The following LHPP variants were observed in gnomAD, a reference collection of about 807,000 sequenced individuals.
LHPP encodes hLHPP.
In LHPP, 24 loss-of-function variants were observed where a neutral mutation model predicts 30.3. The observed-to-expected ratio is 0.79, with a 90% CI of 0.57 to 1.11. LHPP has a LOEUF of 1.11. LHPP is among the 50% of genes most tolerant of loss of function. The pLI, the probability that LHPP is intolerant of heterozygous loss-of-function variation, is 0.00. For synonymous variants in LHPP, 150 were observed against 157.1 expected (o/e 0.95, Z 0.34); for missense variants, 356 against 367.2 (o/e 0.97, Z 0.25).
intron 1 of LHPP, 141 bp from the exon 2 acceptor site, chr10:124,483,998 C>A: frequency 1.4e-6 from 1 of 716,070 alleles, no homozygotes. Context: ...CCTGGATCAG[C>A]CAGGACCCCC....
intron 4 of LHPP, 91 bp from the exon 5 acceptor site, chr10:124,497,945 T>C: frequency 9.8e-7 from 1 of 1,022,108 alleles, no homozygotes; most frequent in Non-Finnish European, 1.5e-6. Context: ...CCTTGACTCT[T>C]GGGGGCACAT....
chr10:124,482,217 C>G (rs931137059), intron 1 of LHPP, among the ~76,000 whole-genome samples: 1 of 152,202 alleles, frequency 6.6e-6, no homozygotes, highest in African/African-American at 2.4e-5. Flanking sequence ...TGGGCCACAT[C>G]TGTAAACAGA....
chr10:124,603,671 G>A (rs912157332), intron 6 of LHPP, among the ~76,000 whole-genome samples: 35 of 152,324 alleles, frequency 2.3e-4, no homozygotes, highest in African/African-American at 7.0e-4. Context: ...GCCTCCTCGC[G>A]GCCCTCGCCT....
chr10:124,588,836 G>A (rs1948840148), intron 6 of LHPP, among the ~76,000 whole-genome samples: 1 of 152,138 alleles, frequency 6.6e-6, no homozygotes, highest in South Asian at 2.1e-4. Context: ...GTCAGGTCCA[G>A]GGGGTCCTGG....
intron 6 of LHPP, among the ~76,000 whole-genome samples, chr10:124,531,861 C>G (rs1245960319): frequency 6.6e-6 from 1 of 152,106 alleles, no homozygotes; most frequent in Non-Finnish European, 1.5e-5. Flanking sequence ...TTTTAGTGTC[C>G]CTTAGTATTT....
intron 6 of LHPP, among the ~76,000 whole-genome samples, chr10:124,530,929 C>T (rs530751127): frequency 9.2e-5 from 14 of 152,110 alleles, no homozygotes; most frequent in African/African-American, 3.4e-4. Context: ...CTTCTTGTCT[C>T]CCTGGCACCT....
At chr10:124,530,453 G>A (rs76987527) in intron 6 of LHPP, among the ~76,000 whole-genome samples, 30,787 of 151,856 alleles carry the variant, frequency 0.2, 3,217 homozygotes, top group Middle Eastern at 0.3. Flanking sequence ...ATGTGCGCAC[G>A]CCAGGCCCCA....
At chr10:124,489,114 A>G (rs1953432971) in intron 3 of LHPP, among the ~76,000 whole-genome samples, 1 of 152,230 alleles carries the variant, frequency 6.6e-6, no homozygotes, top group African/African-American at 2.4e-5. Flanking sequence ...TTTCTTAAAC[A>G]AAACAGTGTT....
chr10:124,498,001 C>G (rs200730924), intron 4 of LHPP, 35 bp from the exon 5 acceptor site: 4 of 1,562,458 alleles, frequency 2.6e-6, no homozygotes, highest in Non-Finnish European at 3.5e-6. Context: ...TTCCTTGATC[C>G]CAAACTTATG....
intron 6 of LHPP, among the ~76,000 whole-genome samples, chr10:124,597,092 G>A (rs1375328373): frequency 6.6e-6 from 1 of 152,172 alleles, no homozygotes. Context: ...TCAGACTCCA[G>A]GTTCTTTGAC....
At chr10:124,495,042 T>C (rs1953661824) in intron 3 of LHPP, among the ~76,000 whole-genome samples, 1 of 152,216 alleles carries the variant, frequency 6.6e-6, no homozygotes, top group Non-Finnish European at 1.5e-5. Context: ...CCAAAGTAGC[T>C]GATTGTCCAA....
chr10:124,587,347 G>A (rs1948817669), intron 6 of LHPP, among the ~76,000 whole-genome samples: 1 of 151,890 alleles, frequency 6.6e-6, no homozygotes, highest in Admixed American at 6.6e-5. Context: ...CACTTTCTGT[G>A]GTGTAAATAT....
At chr10:124,537,255 G>A (rs545263288) in intron 6 of LHPP, among the ~76,000 whole-genome samples, 8 of 152,314 alleles carry the variant, frequency 5.3e-5, no homozygotes, top group African/African-American at 1.2e-4. Context: ...CAGCTACCTC[G>A]AGAGATCCTG....
intron 6 of LHPP, among the ~76,000 whole-genome samples, chr10:124,519,011 G>A (rs879426428): frequency 2.8e-4 from 42 of 152,052 alleles, no homozygotes; most frequent in Non-Finnish European, 2.9e-4. Flanking sequence ...AGGTGCGATC[G>A]ATCTCAGCTC....
chr10:124,488,002 C>A (rs1039433585), intron 2 of LHPP, among the ~76,000 whole-genome samples: 1 of 152,164 alleles, frequency 6.6e-6, no homozygotes, highest in African/African-American at 2.4e-5. Context: ...AATGTGTCAA[C>A]GGTTCTTACA....
Position 124,517,094 on chromosome 10 carries a change from C to T in LHPP, c.625-86C>T. ...GGTGGTTGTAAACATCAAATCAAGCCATTTATTATGTCAAAAAAAGATGAA... is the reference window on the plus strand; with the variant it reads ...GGTGGTTGTAAACATCAAATCAAGCTATTTATTATGTCAAAAAAAGATGAA... On this transcript the variant is annotated intron_variant, in intron 5 of 6. Coordinates refer to ENST00000368842, the MANE Select transcript of LHPP (RefSeq NM_022126.4). This position sits in a 1 kb window ranked among gnomAD's most constrained non-coding sequence, Gnocchi z 4.1. 1 of 787,484 alleles carries T rather than the reference C, an allele frequency of 1.3e-6. No homozygotes were observed. Among genetic ancestry groups the T allele is most frequent in the South Asian group, 1.8e-5 (1 of 54,292 alleles). The allele number at this position is 787,484 out of a possible 1,614,324, so 48.8% of individuals were successfully genotyped here.
chr10:124,533,412 T>G (rs544309714), intron 6 of LHPP, among the ~76,000 whole-genome samples: 1 of 152,292 alleles, frequency 6.6e-6, no homozygotes, highest in East Asian at 1.9e-4. Context: ...TGTCCTCGGA[T>G]GGGGAGGGGA....
intron 5 of LHPP, among the ~76,000 whole-genome samples, chr10:124,500,723 A>G (rs762498537): frequency 1.5e-4 from 22 of 146,404 alleles, no homozygotes; most frequent in Non-Finnish European, 2.8e-4. Flanking sequence ...AGATGACTGT[A>G]TAGTTAAAAA....
intron 5 of LHPP, among the ~76,000 whole-genome samples, chr10:124,511,587 G>T (rs1047858942): frequency 1.3e-5 from 2 of 152,126 alleles, no homozygotes; most frequent in Admixed American, 6.5e-5. Context: ...ACCACCATCC[G>T]CCGTGGCTTC....
Sources: gnomAD v4.1 joint callset for allele counts (sites outside exome capture counted in the v4.1 genomes callset) on GRCh38, gnomAD v4.1.1 for gene constraint, Gnocchi (gnomAD v3.1) non-coding constraint, MANE v1.5 for transcripts, NCBI Gene and HGNC (gene_info 2026-07-23, HGNC 2026-07-21) for gene names.